Variants in CYFIP1 observed in about 807,000 individuals in gnomAD.
CYFIP1 encodes the protein cytoplasmic FMR1-interacting protein 1.
In CYFIP1, 58 loss-of-function variants were observed where a neutral mutation model predicts 163.5. That is an observed-to-expected ratio of 0.35 (90% CI 0.29 to 0.44). The LOEUF (loss-of-function observed/expected upper bound fraction) is 0.44, where lower values mean the gene tolerates loss of function less well. Ranked by LOEUF, CYFIP1 falls within the 20% of genes least tolerant of loss-of-function variation. The probability of loss-of-function intolerance (pLI) is 1.00; values close to 1 mark genes in which losing one functional copy is unlikely to be tolerated. For synonymous variants in CYFIP1, 663 were observed against 660.7 expected (o/e 1.00, Z -0.05); for missense variants, 1,338 against 1,653.8 (o/e 0.81, Z 3.31).
At position 22,886,174 on chromosome 15, in the gene CYFIP1, C is replaced by T. The variant is rs148331724; in HGVS notation, c.2677-3163G>A. ...ACTCACTATCATGAGAACATCGTCA[C>T]CCCCATGATCCAATCACCTCCCACC... On this transcript the variant is annotated intron_variant, in intron 23 of 30. Transcript: ENST00000617928. 3.0e-3 allele frequency among the ~76,000 whole-genome samples: 454 copies of T among 152,228 alleles called. 4 individuals carry two copies. Among genetic ancestry groups the T allele is most frequent in the Middle Eastern group, 0.027 (8 of 294 alleles).
At chr15:22,935,401 T>A (rs1049365554) in intron 9 of CYFIP1, among the ~76,000 whole-genome samples, 4 of 152,026 alleles carry the variant, frequency 2.6e-5, no homozygotes, top group African/African-American at 9.7e-5. Context: ...AACCCCTACC[T>A]CCTACCACGC....
intron 6 of CYFIP1, among the ~76,000 whole-genome samples, chr15:22,942,510 C>T (rs2061922802): frequency 6.6e-6 from 1 of 152,172 alleles, no homozygotes; most frequent in Non-Finnish European, 1.5e-5. Context: ...CCGAGTGTCA[C>T]CAAATGCCCA....
At chr15:22,923,441 G>C (rs145793305) in intron 13 of CYFIP1, among the ~76,000 whole-genome samples, 1 of 152,158 alleles carries the variant, frequency 6.6e-6, no homozygotes, top group African/African-American at 2.4e-5. Context: ...CACTAGGATA[G>C]CTAGAATCAA....
At chr15:22,914,478 T>C (rs1483275721) in intron 17 of CYFIP1, among the ~76,000 whole-genome samples, 1 of 151,860 alleles carries the variant, frequency 6.6e-6, no homozygotes, top group Admixed American at 6.6e-5. Context: ...CAGGCTGGAA[T>C]GCAGTGGTGC....
chr15:22,905,850 C>G (rs2060560072), intron 21 of CYFIP1, among the ~76,000 whole-genome samples: 1 of 151,968 alleles, frequency 6.6e-6, no homozygotes, highest in Non-Finnish European at 1.5e-5. Flanking sequence ...ACCTCTGTCT[C>G]CCGGGTTCCT....
intron 21 of CYFIP1, among the ~76,000 whole-genome samples, chr15:22,906,953 G>A (rs1291677674): frequency 6.6e-6 from 1 of 152,100 alleles, no homozygotes; most frequent in African/African-American, 2.4e-5. Context: ...TGGCTCGACT[G>A]GAAGTGAAAT....
intron 25 of CYFIP1, 58 bp downstream of exon 25, chr15:22,881,788 G>A: frequency 6.6e-7 from 1 of 1,523,562 alleles, no homozygotes; most frequent in Non-Finnish European, 9.0e-7. Flanking sequence ...TTTCTGACTT[G>A]AATTCCTTTC....
At chr15:22,977,302 C>G (rs2063313299) in intron 1 of CYFIP1, among the ~76,000 whole-genome samples, 3 of 152,058 alleles carry the variant, frequency 2.0e-5, no homozygotes, top group Admixed American at 2.0e-4. Flanking sequence ...TCATAGATTC[C>G]CTGGATTTTC....
chr15:22,956,430 G>A (rs998344652), intron 1 of CYFIP1, among the ~76,000 whole-genome samples: 3 of 152,092 alleles, frequency 2.0e-5, no homozygotes, highest in African/African-American at 4.8e-5. Context: ...ACTTTAACCT[G>A]GAAGCAGAGG....
intron 22 of CYFIP1, 26 bp downstream of exon 22, chr15:22,903,665 AGCGCCTCGCCTGTGG>A (rs1184570396): frequency 1.2e-6 from 2 of 1,606,788 alleles, no homozygotes; most frequent in Admixed American, 3.3e-5. Flanking sequence ...TGGGTCCCTG[AGCGCCTCGCCTGTGG>A]GCGCCTGTGT....
intron 29 of CYFIP1, 91 bp from the exon 30 acceptor site, chr15:22,873,063 A>G (rs1197372934): frequency 7.1e-7 from 1 of 1,413,480 alleles, no homozygotes; most frequent in African/African-American, 1.4e-5. Flanking sequence ...TGACCAAGCC[A>G]TCTGCATTAC....
At chr15:22,912,704 A>AT (rs2060827198) in intron 17 of CYFIP1, among the ~76,000 whole-genome samples, 1 of 152,030 alleles carries the variant, frequency 6.6e-6, no homozygotes, top group Non-Finnish European at 1.5e-5. Context: ...AGATCACTTG[A>AT]TTGAGGTGAG....
intron 1 of CYFIP1, among the ~76,000 whole-genome samples, chr15:22,970,133 T>A (rs577446936): frequency 2.3e-4 from 35 of 152,330 alleles, no homozygotes; most frequent in African/African-American, 8.2e-4. Context: ...TAATTCCATG[T>A]ACAACAGCAT....
At chr15:22,912,934 A>C (rs1323706378) in intron 17 of CYFIP1, among the ~76,000 whole-genome samples, 1 of 150,060 alleles carries the variant, frequency 6.7e-6, no homozygotes, top group East Asian at 2.0e-4. Flanking sequence ...AAAATGATAG[A>C]GAATGAACTC....
rs1347596797 is a variant in CYFIP1, at chr15:22,917,018, C to T, written c.1675-388G>A. ...AGCCCAAGGACTCGGCCATGGTGCGCACCAGGTAGAGCTAGACACGGACAG... is the reference window on the plus strand; with the variant it reads ...AGCCCAAGGACTCGGCCATGGTGCGTACCAGGTAGAGCTAGACACGGACAG... On this transcript the variant is annotated intron_variant, in intron 15 of 30. Transcript: ENST00000617928. The surrounding 1 kb of genome is among the most constrained non-coding windows in gnomAD (Gnocchi z 4.2). 4.8e-5 allele frequency: 74 copies of T among 1,547,564 alleles called. No homozygotes were observed. The highest frequency in any genetic ancestry group is 6.1e-5 in the Non-Finnish European group (70 of 1,145,336).
chr15:22,884,261 C>A (rs2059870025), intron 23 of CYFIP1, among the ~76,000 whole-genome samples: 4 of 152,160 alleles, frequency 2.6e-5, no homozygotes. Context: ...TCATCTGAGA[C>A]AAGTCAAGTC....
chr15:22,917,628 TG>T lies in CYFIP1; in HGVS notation c.1674+159del. 2.3e-6 allele frequency: 2 copies of T among 869,742 alleles called. No homozygotes were observed. The highest frequency in any genetic ancestry group is 1.7e-6 in the Non-Finnish European group (1 of 595,530). 53.9% of individuals were successfully genotyped at this position (869,742 alleles called of 1,614,324 possible). A position where few individuals can be genotyped will look rare whatever the true frequency, so the allele number is the denominator to read the frequency against. ...TCCTCACGCTCCCAACTCACTTGGG[TG>T]GGAAACAGAGGAGCAGCAGAAACCA... On this transcript the variant is annotated intron_variant, in intron 15 of 30. Transcript: ENST00000617928. This position sits in a 1 kb window ranked among gnomAD's most constrained non-coding sequence, Gnocchi z 4.2.
intron 10 of CYFIP1, among the ~76,000 whole-genome samples, chr15:22,932,940 C>T (rs1196737508): frequency 1.3e-5 from 2 of 152,130 alleles, no homozygotes; most frequent in Non-Finnish European, 2.9e-5. Context: ...TCAAGTGATC[C>T]TCCCACCTCA....
intron 11 of CYFIP1, among the ~76,000 whole-genome samples, chr15:22,928,418 AAT>A (rs2061427761): frequency 1.3e-5 from 2 of 151,226 alleles, no homozygotes; most frequent in Non-Finnish European, 2.9e-5. Flanking sequence ...TAAATAAATA[AAT>A]AAATAAATAA....
Sources: gnomAD v4.1 joint callset for allele counts (sites outside exome capture counted in the v4.1 genomes callset) on GRCh38, gnomAD v4.1.1 for gene constraint, Gnocchi (gnomAD v3.1) non-coding constraint, MANE v1.5 for transcripts, NCBI Gene and HGNC (gene_info 2026-07-23, HGNC 2026-07-21) for gene names.